FMN2: variants seen among roughly 807,000 people sequenced by gnomAD.
FMN2 encodes formin-2.
In FMN2, 51 loss-of-function variants were observed where a neutral mutation model predicts 142.3. That is an observed-to-expected ratio of 0.36 (90% CI 0.29 to 0.45). FMN2 has a LOEUF of 0.45. Among genes scored for constraint, FMN2 ranks in the 20% least tolerant of loss-of-function variants. The pLI is 1.00. For missense variants in FMN2, 1,936 were observed against 2,122.8 expected, an observed-to-expected ratio of 0.91 and a Z score of 1.73; for synonymous variants, 882 against 869.8, an observed-to-expected ratio of 1.01 and a Z score of -0.25.
chr1:240,329,672 A>G (rs189061007), intron 10 of FMN2, among the ~76,000 whole-genome samples: 38 of 152,320 alleles, frequency 2.5e-4, no homozygotes, highest in African/African-American at 8.9e-4. Flanking sequence ...ACAGGACCAC[A>G]TTGCTAGAAT....
chr1:240,227,163 TATC>T (rs1667338436), intron 6 of FMN2, among the ~76,000 whole-genome samples: 1 of 152,226 alleles, frequency 6.6e-6, no homozygotes, highest in Non-Finnish European at 1.5e-5. Context: ...CATTAGCAAT[TATC>T]ATTGTGAAAA....
chr1:240,430,137 C>T (rs975475500), intron 15 of FMN2, among the ~76,000 whole-genome samples: 27 of 152,054 alleles, frequency 1.8e-4, no homozygotes, highest in Admixed American at 5.9e-4. Context: ...CCGCCCGCCT[C>T]GGCCTCCCAA....
intron 14 of FMN2, among the ~76,000 whole-genome samples, chr1:240,364,399 T>C (rs1004766487): frequency 3.9e-5 from 6 of 152,148 alleles, no homozygotes; most frequent in African/African-American, 1.4e-4. Context: ...AATACGCTTT[T>C]GTATTAGTGC....
chr1:240,142,775 C>T (rs1451702568), intron 2 of FMN2: 29 of 1,593,820 alleles, frequency 1.8e-5, no homozygotes, highest in Middle Eastern at 2.2e-4. Flanking sequence ...CGTGGGCCAA[C>T]GACACTGGGG....
At chr1:240,306,348 G>A (rs1438761446) in intron 8 of FMN2, among the ~76,000 whole-genome samples, 1 of 152,150 alleles carries the variant, frequency 6.6e-6, no homozygotes, top group Non-Finnish European at 1.5e-5. Context: ...TGGGGCTGAG[G>A]TTTGGGCTTC....
At chr1:240,471,081 CATACAGGACTTT>C (rs1238283577) in intron 16 of FMN2, among the ~76,000 whole-genome samples, 1 of 152,208 alleles carries the variant, frequency 6.6e-6, no homozygotes, top group Non-Finnish European at 1.5e-5. Context: ...GCCAGAACTT[CATACAGGACTTT>C]GCTCCAAATA....
At chr1:240,458,392 A>T (rs1676323575) in intron 16 of FMN2, 1 of 152,154 alleles carries the variant, frequency 6.6e-6, no homozygotes, top group African/African-American at 2.4e-5. Flanking sequence ...CAGGGAGGAA[A>T]TTGCATAAAC....
At chr1:240,426,891 A>G (rs1674955894) in intron 15 of FMN2, among the ~76,000 whole-genome samples, 1 of 151,894 alleles carries the variant, frequency 6.6e-6, no homozygotes, top group Non-Finnish European at 1.5e-5. Flanking sequence ...GGTGCGCACC[A>G]CCATGCCCGG....
intron 15 of FMN2, among the ~76,000 whole-genome samples, chr1:240,427,194 GTTT>G (rs148613479): frequency 4.0e-4 from 55 of 135,874 alleles, no homozygotes; most frequent in African/African-American, 1.4e-3. Context: ...TATATATATG[GTTT>G]TTTTTTTGTT....
chr1:240,242,725 C>A (rs570145146), intron 6 of FMN2, among the ~76,000 whole-genome samples: 2 of 152,286 alleles, frequency 1.3e-5, no homozygotes, highest in East Asian at 3.9e-4. Flanking sequence ...GACTCAGACC[C>A]AAAGGCAGGA....
rs1472382565 is a variant in FMN2, at chr1:240,207,029, A to G, written c.2217A>G (p.Leu739=). ...AGGAAGTACGGCATCATAGGATTTT[A>G]GAGGCGAAATCGATACAGACTTCCC... is the stretch of plus-strand genomic sequence containing the variant. ...EEKEVRHHRI[L]EAKSIQTSPT... is the part of the protein sequence containing the mutation. The change falls in exon 5 of 18, where the codon TTA becomes TTG. Residue 739 remains leucine (L), a synonymous_variant. Transcript: ENST00000319653. 1.2e-6 allele frequency: 2 copies of G among 1,614,158 alleles called. No homozygotes were observed. The highest frequency in any genetic ancestry group is 1.7e-6 in the Non-Finnish European group (2 of 1,180,018).
Position 240,231,179 on chromosome 1 carries a change from A to G in FMN2, c.4065+19944A>G, listed in dbSNP as rs1445996323. Among the ~76,000 whole-genome samples the G allele has an allele frequency of 1.5e-5, 2 of 132,606 alleles. 1 individual carries two copies. The highest frequency in any genetic ancestry group is 6.4e-5 in the African/African-American group (2 of 31,104). The allele number at this position is 132,606 out of a possible 152,430, so 87.0% of individuals were successfully genotyped here. ...CACACAGCTATTCCAAAAACAAGAA[A>G]ACAAAACAAAAAACTCTCTAATTTG... On this transcript the variant is annotated intron_variant, in intron 6 of 17. Transcript: ENST00000319653.
intron 8 of FMN2, among the ~76,000 whole-genome samples, chr1:240,317,206 C>T (rs1355416783): frequency 6.6e-6 from 1 of 151,932 alleles, no homozygotes; most frequent in Non-Finnish European, 1.5e-5. Flanking sequence ...GTCCTAGCTG[C>T]TCAGGAGGCT....
intron 15 of FMN2, among the ~76,000 whole-genome samples, chr1:240,425,015 G>A (rs762785301): frequency 3.3e-5 from 5 of 152,188 alleles, no homozygotes; most frequent in African/African-American, 9.7e-5. Flanking sequence ...CCTTAAAGAG[G>A]TTAAATCCTA....
At chr1:240,234,174 G>C (rs956324458) in intron 6 of FMN2, among the ~76,000 whole-genome samples, 1 of 152,088 alleles carries the variant, frequency 6.6e-6, no homozygotes, top group East Asian at 1.9e-4. Flanking sequence ...TTTCTAGGGG[G>C]ACAAAGCGGA....
intron 2 of FMN2, chr1:240,170,998 G>A (rs1664682210): frequency 2.4e-6 from 2 of 820,526 alleles, no homozygotes; most frequent in Admixed American, 1.7e-5. Flanking sequence ...GGTCGTGAGA[G>A]CAGCACTTGA....
intron 13 of FMN2, among the ~76,000 whole-genome samples, chr1:240,336,769 A>C (rs1447048837): frequency 6.6e-6 from 1 of 152,146 alleles, no homozygotes; most frequent in Non-Finnish European, 1.5e-5. Context: ...ATAGTTGATG[A>C]AATAATGTAA....
At chr1:240,314,774 C>T (rs916106087) in intron 8 of FMN2, among the ~76,000 whole-genome samples, 1 of 152,128 alleles carries the variant, frequency 6.6e-6, no homozygotes, top group African/African-American at 2.4e-5. Flanking sequence ...ACATGAATTG[C>T]ACATCCTTGT....
chr1:240,430,127 C>T (rs1269394458), intron 15 of FMN2, among the ~76,000 whole-genome samples: 2 of 152,000 alleles, frequency 1.3e-5, no homozygotes, highest in South Asian at 4.1e-4. Context: ...ACCTCATGAT[C>T]CGCCCGCCTC....
Sources: gnomAD v4.1 joint callset for allele counts (sites outside exome capture counted in the v4.1 genomes callset) on GRCh38, gnomAD v4.1.1 for gene constraint, MANE v1.5 for transcripts, NCBI Gene and HGNC (gene_info 2026-07-23, HGNC 2026-07-21) for gene names.